The following ZNF845 variants were observed in gnomAD, a reference collection of about 807,000 sequenced individuals.
The protein encoded by ZNF845 is zinc finger protein 845.
In ZNF845, 59 loss-of-function variants were observed where a neutral mutation model predicts 76.1. That is an observed-to-expected ratio of 0.78 (90% CI 0.63 to 0.96). The LOEUF (loss-of-function observed/expected upper bound fraction) is 0.96. Ranked by LOEUF, ZNF845 falls within the 40% of genes least tolerant of loss-of-function variation. ZNF845 has a pLI of 0.00. For synonymous variants in ZNF845, 361 were observed against 386.9 expected (o/e 0.93, Z 0.78); for missense variants, 1,045 against 1,172.8 (o/e 0.89, Z 1.59).
chr19:53,345,113 C>T (rs867789962), intron 2 of ZNF845, among the ~76,000 whole-genome samples: 7 of 152,108 alleles, frequency 4.6e-5, no homozygotes, highest in Admixed American at 1.3e-4. Flanking sequence ...GTCAGGAGTT[C>T]GAGATCAGCC....
In ZNF845 at chr19:53,351,304, T is replaced by C. The variant is rs61752582; in HGVS notation, c.629T>C (p.Met210Thr). 2,678 of 1,614,182 alleles carry C rather than the reference T, an allele frequency of 1.7e-3. 39 individuals carry two copies. In the African/African-American group the frequency reaches 0.03, roughly 18 times the overall value. Residue 210 changes from methionine to threonine, a missense_variant, in exon 4 of 4, where the codon ATG becomes ACG. Coordinates refer to ENST00000458035, the MANE Select transcript of ZNF845 (RefSeq NM_138374.3). ...CTCACACAAAAGCAGGAAGTACACATGAGAGAAAAATCTTTCCAATGTAAT... is the reference window on the plus strand; with the variant it reads ...CTCACACAAAAGCAGGAAGTACACACGAGAGAAAAATCTTTCCAATGTAAT... ...SLLTQKQEVH[M>T]REKSFQCNES...
At chr19:53,343,393 C>T (rs191795290) in intron 2 of ZNF845, among the ~76,000 whole-genome samples, 86 of 152,262 alleles carry the variant, frequency 5.6e-4, no homozygotes, top group Non-Finnish European at 1.0e-3. Flanking sequence ...TGCACACCTG[C>T]GTTACTACAG....
At chr19:53,340,803 T>C (rs10407599) in intron 1 of ZNF845, 12,580 of 347,552 alleles carry the variant, frequency 0.036, 669 homozygotes, top group African/African-American at 0.13. Flanking sequence ...TCCCGTGTCC[T>C]CCTCCCTCCC....
At chr19:53,348,149 C>T (rs1219272601) in intron 3 of ZNF845, among the ~76,000 whole-genome samples, 1 of 152,136 alleles carries the variant, frequency 6.6e-6, no homozygotes, top group Non-Finnish European at 1.5e-5. Context: ...CGACATTGTG[C>T]CACTTCACTC....
intron 1 of ZNF845, among the ~76,000 whole-genome samples, chr19:53,336,299 T>C (rs1599965666): frequency 6.7e-6 from 1 of 150,214 alleles, no homozygotes; most frequent in East Asian, 2.0e-4. Flanking sequence ...CTAAGGTCAG[T>C]AGTTTGAGAT....
chr19:53,339,434 G>T (rs1348326913), intron 1 of ZNF845, among the ~76,000 whole-genome samples: 1 of 152,168 alleles, frequency 6.6e-6, no homozygotes, highest in African/African-American at 2.4e-5. Flanking sequence ...TGAGGGAGGG[G>T]AGTGGTTTCC....
In ZNF845 at chr19:53,354,284, C is replaced by T. The variant is rs1160134693; in HGVS notation, c.*696C>T. On this transcript the variant is annotated 3_prime_UTR_variant, in exon 4 of 4. Coordinates refer to ENST00000458035, the MANE Select transcript of ZNF845 (RefSeq NM_138374.3). ...GCAATGAGTATAGCAAACCATCAAG[C>T]ATTAATTGGCATTAGAGTCAATTCA... The T allele has an allele frequency of 2.4e-6, 1 of 420,378 alleles. No individual in the cohort carries two copies. The highest frequency in any genetic ancestry group is 7.0e-5 in the East Asian group (1 of 14,370). 26.0% of individuals were successfully genotyped at this position (420,378 alleles called of 1,614,324 possible).
chr19:53,336,004 G>T (rs1431665127), intron 1 of ZNF845, among the ~76,000 whole-genome samples: 2 of 151,918 alleles, frequency 1.3e-5, no homozygotes, highest in Admixed American at 1.3e-4. Context: ...ACAAGGTCAG[G>T]AATTCAAGAC....
In ZNF845 at chr19:53,352,368, G is replaced by A; in HGVS notation, c.1693G>A (p.Ala565Thr). ...ECGKAFRGQS[A>T]LIYHQAIHGI... ...TGGCAAAGCCTTTCGTGGGCAGTCA[G>A]CACTTATTTACCATCAAGCAATCCA... The change falls in exon 4 of 4, where the codon GCA becomes ACA. Residue 565 changes from alanine (A) to threonine (T), a missense_variant. Physicochemically the swap from Ala to Thr is moderately conservative, Grantham distance 58 (BLOSUM62 0). Transcript: ENST00000458035. 2 of 1,613,616 alleles carry A rather than the reference G, an allele frequency of 1.2e-6. No individual in the cohort carries two copies. Among genetic ancestry groups the A allele is most frequent in the Non-Finnish European group, 1.7e-6 (2 of 1,179,790 alleles).
At chr19:53,342,625 CTG>C (rs1184166811) in intron 2 of ZNF845, among the ~76,000 whole-genome samples, 2 of 151,990 alleles carry the variant, frequency 1.3e-5, no homozygotes. Flanking sequence ...TCTCGCGCGT[CTG>C]TATTTCTGCA....
chr19:53,352,542 G>A lies in ZNF845; in HGVS notation c.1867G>A (p.Ala623Thr), dbSNP rs771826685. 1.2e-5 allele frequency: 19 copies of A among 1,607,016 alleles called. No individual in the cohort carries two copies. The highest frequency in any genetic ancestry group is 8.8e-5 in the South Asian group (8 of 90,512). ...GKFFRHRSYL[A>T]VHWRTHSGEK... ...ATTTTTCAGACATCGTTCATACCTTGCAGTTCATTGGCGAACTCATAGTGG... is the reference window on the plus strand; with the variant it reads ...ATTTTTCAGACATCGTTCATACCTTACAGTTCATTGGCGAACTCATAGTGG... Residue 623 changes from alanine to threonine, a missense_variant, in exon 4 of 4, where the codon GCA becomes ACA. Ala to Thr is a moderately conservative substitution (Grantham distance 58). Coordinates refer to ENST00000458035, the MANE Select transcript of ZNF845 (RefSeq NM_138374.3).
chr19:53,345,434 T>C, intron 2 of ZNF845, 72 bp from the exon 3 acceptor site: 3 of 1,610,570 alleles, frequency 1.9e-6, no homozygotes, highest in Non-Finnish European at 2.5e-6. Flanking sequence ...CTTTCCTCTC[T>C]CCTCTTCTCA....
intron 3 of ZNF845, among the ~76,000 whole-genome samples, chr19:53,348,176 G>A (rs1288254902): frequency 1.3e-5 from 2 of 152,152 alleles, no homozygotes; most frequent in Admixed American, 6.5e-5. Context: ...GGGTGACAGA[G>A]TGAGACTCCA....
chr19:53,346,606 G>A (rs567731295), intron 3 of ZNF845, among the ~76,000 whole-genome samples: 5 of 152,284 alleles, frequency 3.3e-5, no homozygotes, highest in East Asian at 3.9e-4. Context: ...GCTTGAACCC[G>A]GGAGGCGGAG....
chr19:53,345,708 T>C, intron 3 of ZNF845, 76 bp downstream of exon 3: 1 of 1,594,222 alleles, frequency 6.3e-7, no homozygotes. Flanking sequence ...TTAGATACAA[T>C]GTCTTGCTCT....
At position 53,347,491 on chromosome 19, in the gene ZNF845, G is replaced by T. The variant is rs141889979; in HGVS notation, c.142+1859G>T. On this transcript the variant is annotated intron_variant, in intron 3 of 3. Coordinates refer to ENST00000458035, the MANE Select transcript of ZNF845 (RefSeq NM_138374.3). ...AGATGGGGTTTCACCGTGTTAGCCA[G>T]AAAGGTGCTGAAAGGATGGTGCTGA... 5.3e-4 allele frequency among the ~76,000 whole-genome samples: 80 copies of T among 150,918 alleles called. No homozygotes were observed. The East Asian group carries it at 0.016, about 30-fold the overall frequency.
At chr19:53,345,781 C>T (rs1487154993) in intron 3 of ZNF845, 149 bp downstream of exon 3, 36 of 1,492,656 alleles carry the variant, frequency 2.4e-5, no homozygotes, top group Non-Finnish European at 3.0e-5. Flanking sequence ...TTCCTGGGCT[C>T]ATGTGATTGT....
At chr19:53,341,009 A>T in intron 1 of ZNF845, 1 of 481,732 alleles carries the variant, frequency 2.1e-6, no homozygotes. Flanking sequence ...CCCATTTCAC[A>T]CTCCAGCTAC....
At chr19:53,350,705 A>G in intron 3 of ZNF845, 113 bp from the exon 4 acceptor site, 2 of 1,381,730 alleles carry the variant, frequency 1.4e-6, no homozygotes, top group Non-Finnish European at 1.9e-6. Context: ...AACTTTCAAG[A>G]TAATGTTTGG....
Sources: allele counts gnomAD v4.1 joint callset (sites outside exome capture counted in the v4.1 genomes callset), GRCh38; gene constraint gnomAD v4.1.1; transcripts MANE v1.5; gene names NCBI Gene and HGNC (gene_info 2026-07-23, HGNC 2026-07-21).